Variants in SH3RF3 observed in about 807,000 individuals in gnomAD.
SH3RF3 encodes E3 ubiquitin-protein ligase SH3RF3.
A neutral mutation model predicts 66.3 loss-of-function variants in SH3RF3; 29 were observed. The ratio of observed to expected loss-of-function variants is 0.44; its 90% CI spans 0.33 to 0.60. The LOEUF (loss-of-function observed/expected upper bound fraction) is 0.60. Ranked by LOEUF, SH3RF3 falls within the 20% of genes least tolerant of loss-of-function variation. The probability of loss-of-function intolerance (pLI) is 0.04; values close to 1 mark genes in which losing one functional copy is unlikely to be tolerated. For synonymous variants in SH3RF3, 583 were observed against 532.0 expected (o/e 1.10, Z -1.32); for missense variants, 1,194 against 1,190.9 (o/e 1.00, Z -0.04).
At chr2:109,170,346 CCTTT>C (rs1246244594) in intron 1 of SH3RF3, among the ~76,000 whole-genome samples, 36 of 148,552 alleles carry the variant, frequency 2.4e-4, no homozygotes, top group Admixed American at 1.8e-3. Flanking sequence ...CTCTCTCTTT[CCTTT>C]CTTTCTTTCT....
chr2:109,324,350 CT>C (rs753585220), intron 1 of SH3RF3, among the ~76,000 whole-genome samples: 97 of 152,238 alleles, frequency 6.4e-4, no homozygotes, highest in Middle Eastern at 3.4e-3. Flanking sequence ...TCTCTTTAAC[CT>C]TCTGAGGGGC....
intron 8 of SH3RF3, among the ~76,000 whole-genome samples, chr2:109,454,059 A>G (rs946059897): frequency 6.6e-6 from 1 of 152,232 alleles, no homozygotes; most frequent in Non-Finnish European, 1.5e-5. Context: ...CTTAAATACT[A>G]TCGTATAATA....
At chr2:109,190,904 G>A (rs534905181) in intron 1 of SH3RF3, among the ~76,000 whole-genome samples, 1 of 151,650 alleles carries the variant, frequency 6.6e-6, no homozygotes, top group East Asian at 1.9e-4. Context: ...AATATGAAGA[G>A]TATTGTGATA....
intron 8 of SH3RF3, among the ~76,000 whole-genome samples, chr2:109,476,760 AGCCCTGAGGGCTGCTGGTT>A (rs1360918728): frequency 2.6e-5 from 4 of 152,258 alleles, no homozygotes; most frequent in Admixed American, 2.0e-4. Context: ...CATAGACAGC[AGCCCTGAGGGCTGCTGGTT>A]GCCCTTTTTT....
At chr2:109,484,877 T>C (rs1185335673) in intron 8 of SH3RF3, among the ~76,000 whole-genome samples, 1 of 152,162 alleles carries the variant, frequency 6.6e-6, no homozygotes, top group East Asian at 1.9e-4. Flanking sequence ...TCTGAACATC[T>C]CTACCCAGTG....
intron 1 of SH3RF3, among the ~76,000 whole-genome samples, chr2:109,237,010 A>T (rs1434030128): frequency 1.3e-5 from 2 of 152,224 alleles, no homozygotes; most frequent in Non-Finnish European, 2.9e-5. Context: ...GGGAAGCTAA[A>T]CTTAGAAGGT....
intron 4 of SH3RF3, among the ~76,000 whole-genome samples, chr2:109,409,410 T>C (rs1004628921): frequency 5.3e-5 from 8 of 152,180 alleles, no homozygotes; most frequent in African/African-American, 1.9e-4. Flanking sequence ...CAGCAGTGGA[T>C]GGTGGGCATG....
chr2:109,137,054 T>G (rs764115380), intron 1 of SH3RF3, among the ~76,000 whole-genome samples: 2 of 152,216 alleles, frequency 1.3e-5, no homozygotes, highest in Non-Finnish European at 2.9e-5. Flanking sequence ...AGCGATTGCA[T>G]TGGTCTCTAT....
intron 7 of SH3RF3, among the ~76,000 whole-genome samples, chr2:109,444,817 A>G (rs568591696): frequency 1.3e-5 from 2 of 152,232 alleles, no homozygotes; most frequent in Non-Finnish European, 2.9e-5. Flanking sequence ...AAACTCACAC[A>G]TAAGTTAGCC....
intron 1 of SH3RF3, among the ~76,000 whole-genome samples, chr2:109,305,647 G>C (rs7563587): frequency 0.3 from 46,255 of 152,154 alleles, 8,520 homozygotes; most frequent in African/African-American, 0.52. Context: ...TGGGCCTCAT[G>C]TGCACTCAGC....
At position 109,130,008 on chromosome 2, in the gene SH3RF3, G is replaced by A; in HGVS notation, c.468G>A (p.Ala156=). The A allele has an allele frequency of 7.7e-7, 1 of 1,301,794 alleles. No individual in the cohort carries two copies. The highest frequency in any genetic ancestry group is 9.7e-7 in the Non-Finnish European group (1 of 1,029,730). The allele number at this position is 1,301,794 out of a possible 1,614,324, so 80.6% of individuals were successfully genotyped here. Residue 156 remains alanine (A), a synonymous_variant, in exon 1 of 10, where the codon GCG becomes GCA. Coordinates refer to ENST00000309415, the MANE Select transcript of SH3RF3 (RefSeq NM_001099289.3). ...APTLAGGGGG[A]AGSTPGSPVF... The stretch of plus-strand genomic sequence containing the variant: ...CGCTCGCGGGCGGCGGGGGCGGCGC[G>A]GCAGGCAGCACCCCGGGTTCCCCGG...
At chr2:109,350,110 C>T (rs1180704040) in intron 2 of SH3RF3, among the ~76,000 whole-genome samples, 1 of 152,202 alleles carries the variant, frequency 6.6e-6, no homozygotes, top group Non-Finnish European at 1.5e-5. Context: ...GATGGAATTC[C>T]ATGTTCCATA....
intron 9 of SH3RF3, among the ~76,000 whole-genome samples, chr2:109,495,001 C>T (rs1001434373): frequency 1.3e-5 from 2 of 151,886 alleles, no homozygotes; most frequent in African/African-American, 4.8e-5. Flanking sequence ...GCTCAGCTGC[C>T]CTGCCCCAGC....
At chr2:109,451,538 G>A (rs1002720932) in intron 8 of SH3RF3, among the ~76,000 whole-genome samples, 1 of 151,526 alleles carries the variant, frequency 6.6e-6, no homozygotes, top group Non-Finnish European at 1.5e-5. Flanking sequence ...ATGACATTAC[G>A]TCCTGTACGA....
intron 8 of SH3RF3, among the ~76,000 whole-genome samples, chr2:109,466,118 C>T (rs913169960): frequency 7.3e-5 from 9 of 123,978 alleles, no homozygotes; most frequent in Non-Finnish European, 1.3e-4. Context: ...CTCGCTCCGT[C>T]GCCCAGGCTG....
intron 7 of SH3RF3, among the ~76,000 whole-genome samples, chr2:109,438,552 A>G (rs931992174): frequency 1.3e-5 from 2 of 152,210 alleles, no homozygotes; most frequent in African/African-American, 2.4e-5. Flanking sequence ...CTCTACTAGT[A>G]TCTTTTTTAC....
intron 1 of SH3RF3, among the ~76,000 whole-genome samples, chr2:109,341,108 G>A (rs1368830987): frequency 4.6e-5 from 7 of 152,074 alleles, no homozygotes; most frequent in Non-Finnish European, 4.4e-5. Context: ...TCAATTCTTG[G>A]ATGAATGAGT....
chr2:109,419,690 C>T (rs372790337), intron 5 of SH3RF3, 48 bp downstream of exon 5: 3 of 1,525,742 alleles, frequency 2.0e-6, no homozygotes, highest in African/African-American at 1.4e-5. Flanking sequence ...GCAGCCCTCC[C>T]TCCTGCCTGG....
chr2:109,291,899 C>T (rs1277788959), intron 1 of SH3RF3, among the ~76,000 whole-genome samples: 4 of 152,242 alleles, frequency 2.6e-5, no homozygotes, highest in Non-Finnish European at 5.9e-5. Flanking sequence ...GAGTCTCGCT[C>T]TGTTGCCAGG....
Sources: gnomAD v4.1 joint callset for allele counts (sites outside exome capture counted in the v4.1 genomes callset) on GRCh38, gnomAD v4.1.1 for gene constraint, MANE v1.5 for transcripts, NCBI Gene and HGNC (gene_info 2026-07-23, HGNC 2026-07-21) for gene names.